SUGCT: variants seen among roughly 807,000 people sequenced by gnomAD.
SUGCT encodes succinyl-CoA:glutarate CoA-transferase.
In SUGCT, 41 loss-of-function variants were observed where a neutral mutation model predicts 55.0. The ratio of observed to expected loss-of-function variants is 0.74; its 90% confidence interval spans 0.58 to 0.97. SUGCT has a LOEUF of 0.97. SUGCT is among the 50% of genes least tolerant of loss of function. The pLI, the probability that SUGCT is intolerant of heterozygous loss-of-function variation, is 0.00. For synonymous variants in SUGCT, 187 were observed against 200.4 expected (o/e 0.93, Z 0.56); for missense variants, 568 against 547.8 (o/e 1.04, Z -0.37).
At chr7:40,944,312 TTG>T in the SUGCT span, among the ~76,000 whole-genome samples, 5 of 151,660 alleles carry the variant, frequency 3.3e-5, no homozygotes, top group Admixed American at 2.6e-4. Flanking sequence ...ATTTTGGCTT[TTG>T]TTGCCATTGC....
At chr7:40,326,041 T>A (rs547706476) in intron 9 of SUGCT, among the ~76,000 whole-genome samples, 15 of 152,232 alleles carry the variant, frequency 9.9e-5, no homozygotes, top group African/African-American at 3.6e-4. Flanking sequence ...CTTTGAATTA[T>A]GAGCTGTAGG....
chr7:40,749,734 A>G (rs569531179), intron 13 of SUGCT, among the ~76,000 whole-genome samples: 1 of 152,332 alleles, frequency 6.6e-6, no homozygotes, highest in East Asian at 1.9e-4. Context: ...AAATGCTCGC[A>G]TTTCTTAATT....
chr7:40,282,492 AAAACAAACAAAC>A (rs3085012), intron 8 of SUGCT, among the ~76,000 whole-genome samples: 3 of 150,580 alleles, frequency 2.0e-5, no homozygotes, highest in Non-Finnish European at 4.4e-5. Context: ...AACAAAAACA[AAAACAAACAAAC>A]AAACAAACAA....
At chr7:40,394,330 T>C (rs945072475) in intron 9 of SUGCT, among the ~76,000 whole-genome samples, 1 of 152,158 alleles carries the variant, frequency 6.6e-6, no homozygotes, top group African/African-American at 2.4e-5. Context: ...GAAGACCAGA[T>C]AGTAAATATT....
the SUGCT span, among the ~76,000 whole-genome samples, chr7:41,013,739 T>TTTTC: frequency 1.3e-4 from 20 of 151,358 alleles, no homozygotes; most frequent in South Asian, 2.3e-3. Context: ...TTTTAGTTGC[T>TTTTC]TTTCTTTCTT....
intron 12 of SUGCT, among the ~76,000 whole-genome samples, chr7:40,747,251 T>C (rs918700151): frequency 1.4e-4 from 21 of 152,148 alleles, no homozygotes; most frequent in Admixed American, 4.6e-4. Flanking sequence ...ACCCGAAAAG[T>C]GGTAACCATT....
At chr7:40,806,625 T>A (rs117290020) in intron 13 of SUGCT, among the ~76,000 whole-genome samples, 2,806 of 152,304 alleles carry the variant, frequency 0.018, 47 homozygotes, top group South Asian at 0.041. Flanking sequence ...TCATGAATAT[T>A]GATTCTGAAA....
chr7:40,701,312 C>G (rs1785161775), intron 12 of SUGCT, among the ~76,000 whole-genome samples: 1 of 152,196 alleles, frequency 6.6e-6, no homozygotes, highest in South Asian at 2.1e-4. Flanking sequence ...GCAGGGCACT[C>G]CTATCTCAGC....
At chr7:40,890,435 G>A in the SUGCT span, among the ~76,000 whole-genome samples, 31 of 142,122 alleles carry the variant, frequency 2.2e-4, no homozygotes, top group South Asian at 4.8e-4. Context: ...TGTCCAGGCC[G>A]CTTCCCTGTC....
chr7:40,742,515 G>A (rs1203311800), intron 12 of SUGCT, among the ~76,000 whole-genome samples: 3 of 151,914 alleles, frequency 2.0e-5, no homozygotes, highest in Admixed American at 1.3e-4. Context: ...TAGGCTTCCC[G>A]CTCCTATGAG....
chr7:40,298,121 G>A (rs1158580344), intron 8 of SUGCT, among the ~76,000 whole-genome samples: 1 of 150,850 alleles, frequency 6.6e-6, no homozygotes, highest in East Asian at 1.9e-4. Flanking sequence ...GCATGGCTAA[G>A]TAATGTTGAC....
intron 12 of SUGCT, among the ~76,000 whole-genome samples, chr7:40,742,279 G>A (rs1787502789): frequency 6.6e-6 from 1 of 152,084 alleles, no homozygotes; most frequent in Admixed American, 6.5e-5. Flanking sequence ...ACAGTGAATT[G>A]TTTCAAAGAA....
At chr7:40,870,799 A>G in the SUGCT span, among the ~76,000 whole-genome samples, 1 of 152,058 alleles carries the variant, frequency 6.6e-6, no homozygotes, top group African/African-American at 2.4e-5. Flanking sequence ...TCAATTATTT[A>G]TTTATATCAA....
intron 9 of SUGCT, among the ~76,000 whole-genome samples, chr7:40,417,803 CAT>C (rs542722164): frequency 7.8e-4 from 118 of 151,788 alleles, no homozygotes; most frequent in Non-Finnish European, 6.3e-4. Context: ...TATTTTGAAA[CAT>C]GGGTATGAAT....
At chr7:40,996,692 A>G in the SUGCT span, among the ~76,000 whole-genome samples, 6 of 152,152 alleles carry the variant, frequency 3.9e-5, no homozygotes, top group Non-Finnish European at 5.9e-5. Flanking sequence ...TGACCATAAC[A>G]AGCAGGTTGA....
chr7:40,592,170 G>A (rs767582993), intron 12 of SUGCT, among the ~76,000 whole-genome samples: 19 of 152,158 alleles, frequency 1.2e-4, no homozygotes, highest in Non-Finnish European at 2.6e-4. Context: ...TGTTGGCTTA[G>A]ATTCTCTCTA....
the SUGCT span, among the ~76,000 whole-genome samples, chr7:40,907,545 A>T: frequency 6.6e-6 from 1 of 152,206 alleles, no homozygotes; most frequent in Non-Finnish European, 1.5e-5. Flanking sequence ...GCATTGCCTC[A>T]TCTAACGCTC....
At chr7:40,427,647 T>C (rs1024313109) in intron 9 of SUGCT, among the ~76,000 whole-genome samples, 1 of 152,116 alleles carries the variant, frequency 6.6e-6, no homozygotes, top group Non-Finnish European at 1.5e-5. Flanking sequence ...TTGTGGTGGT[T>C]TGGGTTCTCC....
the SUGCT span, among the ~76,000 whole-genome samples, chr7:41,018,626 TA>T: frequency 6.6e-6 from 1 of 151,924 alleles, no homozygotes; most frequent in Non-Finnish European, 1.5e-5. Flanking sequence ...AAGAATGATT[TA>T]AAAAAAACAA....
Sources: allele counts gnomAD v4.1 joint callset (sites outside exome capture counted in the v4.1 genomes callset), GRCh38; gene constraint gnomAD v4.1.1; transcripts MANE v1.5; gene names NCBI Gene and HGNC (gene_info 2026-07-23, HGNC 2026-07-21).